ZNF516: variants seen among roughly 807,000 people sequenced by gnomAD.
The protein encoded by ZNF516 is zinc finger protein 516.
A neutral mutation model predicts 79.7 loss-of-function variants in ZNF516; 19 were observed. That is an observed-to-expected ratio of 0.24 (90% CI 0.17 to 0.35). The LOEUF (loss-of-function observed/expected upper bound fraction) is 0.35. ZNF516 is among the 10% of genes least tolerant of loss of function. ZNF516 has a pLI of 1.00. For synonymous variants in ZNF516, 877 were observed against 739.5 expected (o/e 1.19, Z -3.02); for missense variants, 1,678 against 1,679.5 (o/e 1.00, Z 0.02).
At chr18:76,455,002 C>A (rs773980536) in intron 2 of ZNF516, among the ~76,000 whole-genome samples, 1 of 152,100 alleles carries the variant, frequency 6.6e-6, no homozygotes, top group Non-Finnish European at 1.5e-5. Context: ...TTCAGAATTG[C>A]CAACCCCCGC....
At chr18:76,392,203 GAGA>G (rs2075083600) in intron 3 of ZNF516, among the ~76,000 whole-genome samples, 1 of 152,204 alleles carries the variant, frequency 6.6e-6, no homozygotes, top group Admixed American at 6.5e-5. Flanking sequence ...CCATGAAAAT[GAGA>G]AGACTTCACA....
intron 6 of ZNF516, among the ~76,000 whole-genome samples, chr18:76,369,447 C>T (rs1353637062): frequency 6.6e-6 from 1 of 152,166 alleles, no homozygotes; most frequent in Non-Finnish European, 1.5e-5. Flanking sequence ...ACCGAAATCC[C>T]TCATCAGGTA....
At chr18:76,392,606 C>T (rs1239833402) in intron 3 of ZNF516, among the ~76,000 whole-genome samples, 1 of 80,026 alleles carries the variant, frequency 1.2e-5, no homozygotes. Flanking sequence ...GGGGGAAGGG[C>T]AGGTGGGAAG....
chr18:76,402,053 A>G (rs988232739), intron 3 of ZNF516, among the ~76,000 whole-genome samples: 4 of 151,808 alleles, frequency 2.6e-5, no homozygotes, highest in Admixed American at 2.0e-4. Flanking sequence ...GAACGTGACC[A>G]GTGGTCTCTG....
At position 76,442,103 on chromosome 18, in the gene ZNF516, T is replaced by C. The variant is rs548960283; in HGVS notation, c.952A>G (p.Ile318Val). Residue 318 changes from isoleucine (I) to valine (V), a missense_variant, in exon 3 of 7, where the codon ATC (isoleucine) becomes GTC (valine). Coordinates refer to ENST00000443185, the MANE Select transcript of ZNF516 (RefSeq NM_014643.4). ...PKSELDPIAT[I>V]NNVVQEEVIV... ...ACCTCCTCCTGGACCACGTTGTTGA[T>C]GGTGGCGATGGGGTCCAGCTCACTC... 1.1e-5 allele frequency: 17 copies of C among 1,613,994 alleles called. No homozygotes were observed. The South Asian group carries it at 1.8e-4, about 17-fold the overall frequency.
intron 1 of ZNF516, among the ~76,000 whole-genome samples, chr18:76,481,011 C>T (rs547196756): frequency 3.3e-5 from 5 of 152,302 alleles, no homozygotes; most frequent in East Asian, 1.9e-4. Context: ...TTAGGGAAAA[C>T]GTTTGCTGAC....
intron 1 of ZNF516, chr18:76,492,171 TAC>T (rs935969660): frequency 2.0e-6 from 2 of 985,098 alleles, no homozygotes; most frequent in Non-Finnish European, 2.4e-6. Flanking sequence ...TCCCGGTGGG[TAC>T]AGAAGCGCAG....
At chr18:76,492,294 A>ACACATC in intron 1 of ZNF516, 6 of 985,468 alleles carry the variant, frequency 6.1e-6, no homozygotes, top group Non-Finnish European at 6.0e-6. Context: ...CGCGAGCCAC[A>ACACATC]CACATCACTA....
Position 76,442,350 on chromosome 18 carries a change from G to A in ZNF516, c.705C>T (p.Cys235=), listed in dbSNP as rs772462830. 2 of 1,609,736 alleles carry A rather than the reference G, an allele frequency of 1.2e-6. No homozygotes were observed. Among genetic ancestry groups the A allele is most frequent in the Non-Finnish European group, 1.7e-6 (2 of 1,179,096 alleles). ...TAQGPGSGEA[C]VENGKPELSP... ...TCAGCTCGGGCTTGCCGTTCTCCAC[G>A]CAGGCCTCGCCGCTGCCGGGCCCCT... is the stretch of plus-strand genomic sequence containing the variant. The change falls in exon 3 of 7, where the codon TGC becomes TGT. Residue 235 remains cysteine, a synonymous_variant. Transcript: ENST00000443185.
At chr18:76,491,204 G>C (rs1211153852) in intron 1 of ZNF516, 8 of 763,906 alleles carry the variant, frequency 1.0e-5, no homozygotes, top group Non-Finnish European at 1.3e-5. Flanking sequence ...CCACGCCGCC[G>C]CGCGGACCCC....
chr18:76,426,573 T>C (rs2075595468), intron 3 of ZNF516, among the ~76,000 whole-genome samples: 1 of 152,134 alleles, frequency 6.6e-6, no homozygotes, highest in Non-Finnish European at 1.5e-5. Context: ...AATCCACAGT[T>C]AACCAGGAAT....
At chr18:76,462,209 G>A (rs759358450) in intron 2 of ZNF516, among the ~76,000 whole-genome samples, 7 of 152,178 alleles carry the variant, frequency 4.6e-5, no homozygotes, top group African/African-American at 9.7e-5. Flanking sequence ...AGTGGGGAGC[G>A]GGCAGGACTT....
At chr18:76,426,231 G>A (rs1024773628) in intron 3 of ZNF516, among the ~76,000 whole-genome samples, 9 of 152,098 alleles carry the variant, frequency 5.9e-5, no homozygotes, top group African/African-American at 1.9e-4. Flanking sequence ...AACTCTGAAG[G>A]GTCTCCCCTC....
intron 1 of ZNF516, among the ~76,000 whole-genome samples, chr18:76,466,251 G>A (rs1022834403): frequency 4.4e-5 from 5 of 112,932 alleles, no homozygotes; most frequent in South Asian, 2.7e-4. Flanking sequence ...CATCCCACCC[G>A]GGCGGCCACC....
intron 3 of ZNF516, among the ~76,000 whole-genome samples, chr18:76,407,465 C>T (rs775911569): frequency 3.3e-5 from 5 of 152,060 alleles, no homozygotes; most frequent in Non-Finnish European, 7.4e-5. Context: ...AACCCAGTAG[C>T]GCAGGTTCAA....
chr18:76,434,661 G>T (rs2075706617), intron 3 of ZNF516, among the ~76,000 whole-genome samples: 1 of 152,226 alleles, frequency 6.6e-6, no homozygotes, highest in African/African-American at 2.4e-5. Flanking sequence ...GGGCACAAGT[G>T]CAGATGCAGA....
intron 4 of ZNF516, among the ~76,000 whole-genome samples, chr18:76,377,261 C>T (rs1337344900): frequency 6.6e-6 from 1 of 152,280 alleles, no homozygotes; most frequent in African/African-American, 2.4e-5. Context: ...CTGAGTCACA[C>T]CTCAAGCCAA....
At chr18:76,404,938 T>C (rs760656819) in intron 3 of ZNF516, among the ~76,000 whole-genome samples, 5 of 152,168 alleles carry the variant, frequency 3.3e-5, no homozygotes, top group Non-Finnish European at 5.9e-5. Context: ...AGGAGAGTCC[T>C]AAGCCACGGT....
In ZNF516 at chr18:76,492,978, ACGCGCG is replaced by A. The variant is rs1002721734; in HGVS notation, c.-272+2160_-272+2165del. 14 of 985,476 alleles carry A rather than the reference ACGCGCG, an allele frequency of 1.4e-5. No individual in the cohort carries two copies. In the Admixed American group the frequency reaches 3.1e-4, roughly 22 times the overall value. 61.0% of individuals were successfully genotyped at this position (985,476 alleles called of 1,614,324 possible). ...CAGACACATGGGCTCATGCACGCGC[ACGCGCG>A]CGCTCACACACACACCCCAAATTAC... On this transcript the variant is annotated intron_variant, in intron 1 of 6. Transcript: ENST00000443185.
Sources: gnomAD v4.1 joint callset for allele counts (sites outside exome capture counted in the v4.1 genomes callset) on GRCh38, gnomAD v4.1.1 for gene constraint, MANE v1.5 for transcripts, NCBI Gene and HGNC (gene_info 2026-07-23, HGNC 2026-07-21) for gene names.